The following ADAM19 variants were observed in gnomAD, a reference collection of about 807,000 sequenced individuals.
The protein encoded by ADAM19 is ADAM metallopeptidase domain 19.
Under a neutral mutation model 114.7 loss-of-function variants are expected in ADAM19, and 65 were observed. That is an observed-to-expected ratio of 0.57 (90% CI 0.46 to 0.70). The LOEUF is 0.70. Among genes scored for constraint, ADAM19 ranks in the 30% least tolerant of loss-of-function variants. ADAM19 has a pLI of 0.00. For synonymous variants in ADAM19, 466 were observed against 460.5 expected, an observed-to-expected ratio of 1.01 and a Z score of -0.15; for missense variants, 1,063 against 1,204.7, an observed-to-expected ratio of 0.88 and a Z score of 1.74.
intron 1 of ADAM19, among the ~76,000 whole-genome samples, chr5:157,574,681 C>G (rs1414003473): frequency 1.3e-5 from 2 of 152,192 alleles, no homozygotes; most frequent in Non-Finnish European, 2.9e-5. Flanking sequence ...AATGAGAGAA[C>G]CCGGGCACCG....
intron 1 of ADAM19, 75 bp from the exon 2 acceptor site, chr5:157,571,055 T>A (rs2113801779): frequency 1.7e-5 from 22 of 1,304,814 alleles, no homozygotes; most frequent in Non-Finnish European, 2.3e-5. Context: ...GCACTTTCTG[T>A]GAGCTGCCCC....
intron 18 of ADAM19, among the ~76,000 whole-genome samples, chr5:157,491,047 C>T (rs1268552601): frequency 1.3e-5 from 2 of 151,980 alleles, no homozygotes; most frequent in Non-Finnish European, 2.9e-5. Context: ...TTTGTACTAA[C>T]AAAACACTAC....
At chr5:157,564,689 G>A (rs1161709244) in intron 2 of ADAM19, among the ~76,000 whole-genome samples, 1 of 152,234 alleles carries the variant, frequency 6.6e-6, no homozygotes, top group Admixed American at 6.5e-5. Flanking sequence ...GTAAGTGTAT[G>A]TATGTGGTGC....
intron 4 of ADAM19, among the ~76,000 whole-genome samples, chr5:157,536,988 G>C (rs941083962): frequency 2.0e-5 from 3 of 152,194 alleles, no homozygotes; most frequent in Non-Finnish European, 4.4e-5. Context: ...TTTGAGAATG[G>C]TCATTCGAAT....
intron 2 of ADAM19, among the ~76,000 whole-genome samples, chr5:157,567,758 T>C (rs891908092): frequency 2.6e-5 from 4 of 151,108 alleles, no homozygotes; most frequent in African/African-American, 9.8e-5. Flanking sequence ...GATCACGCCA[T>C]TGCACTCCAG....
At position 157,570,939 on chromosome 5, in the gene ADAM19, T is replaced by A. The variant is rs1757802795; in HGVS notation, c.136A>T (p.Ile46Phe). Residue 46 changes from isoleucine to phenylalanine, a missense_variant, in exon 2 of 23, where the codon ATC becomes TTC. By Grantham distance (21) the Ile-to-Phe change is conservative. Transcript: ENST00000257527. ...EGSPKLQHEL[I>F]IPQWKTSESP... The stretch of plus-strand genomic sequence containing the variant: ...TCTGAAGTCTTCCACTGAGGTATGA[T>A]AAGTTCATGCTGCAGCTTGGGGCTG... 3.1e-6 allele frequency: 5 copies of A among 1,614,098 alleles called. No individual in the cohort carries two copies. In the Admixed American group the frequency reaches 8.3e-5, roughly 27 times the overall value.
intron 4 of ADAM19, 60 bp downstream of exon 4, chr5:157,537,853 C>T: frequency 6.7e-7 from 1 of 1,484,048 alleles, no homozygotes; most frequent in Non-Finnish European, 9.4e-7. Context: ...CTCCTGAGGT[C>T]CTAGGAGTAG....
chr5:157,507,936 T>C (rs1317599298), intron 9 of ADAM19, among the ~76,000 whole-genome samples: 1 of 152,256 alleles, frequency 6.6e-6, no homozygotes, highest in Non-Finnish European at 1.5e-5. Context: ...TCCACGTTTG[T>C]CTTCTCATCT....
chr5:157,526,624 ATT>A (rs34746765), intron 5 of ADAM19, among the ~76,000 whole-genome samples: 103 of 145,502 alleles, frequency 7.1e-4, no homozygotes, highest in African/African-American at 1.9e-3. Context: ...TATTGGTGTC[ATT>A]TTTTTTTTTT....
chr5:157,487,401 C>T (rs942186896), intron 21 of ADAM19, among the ~76,000 whole-genome samples: 28 of 152,220 alleles, frequency 1.8e-4, no homozygotes, highest in Non-Finnish European at 2.5e-4. Context: ...CTGCAGCCAA[C>T]CCCAGAGTCC....
intron 3 of ADAM19, among the ~76,000 whole-genome samples, chr5:157,562,421 T>G (rs1757532860): frequency 6.6e-6 from 1 of 152,184 alleles, no homozygotes; most frequent in African/African-American, 2.4e-5. Context: ...CTCTGGAGCC[T>G]CAGTGTGGGA....
At chr5:157,574,976 G>C (rs907677339) in intron 1 of ADAM19, among the ~76,000 whole-genome samples, 1 of 152,184 alleles carries the variant, frequency 6.6e-6, no homozygotes, top group Non-Finnish European at 1.5e-5. Context: ...TGTGGGCCTC[G>C]GTTTCCCCAT....
chr5:157,513,306 C>A, intron 8 of ADAM19, 128 bp downstream of exon 8: 1 of 837,334 alleles, frequency 1.2e-6, no homozygotes, highest in South Asian at 1.5e-5. Flanking sequence ...CCGCCCTGGG[C>A]CTCTATGGCA....
At chr5:157,494,354 T>A (rs1033772626) in intron 15 of ADAM19, among the ~76,000 whole-genome samples, 7 of 152,128 alleles carry the variant, frequency 4.6e-5, no homozygotes, top group African/African-American at 1.4e-4. Context: ...AATGAGTGAA[T>A]TAATGAATGA....
chr5:157,519,684 A>G (rs1192446911), intron 6 of ADAM19, among the ~76,000 whole-genome samples, 155 bp downstream of exon 6: 1 of 152,180 alleles, frequency 6.6e-6, no homozygotes, highest in Admixed American at 6.5e-5. Flanking sequence ...AGGGTATTTC[A>G]CACTCAACAA....
intron 18 of ADAM19, 55 bp from the exon 19 acceptor site, chr5:157,490,509 A>C: frequency 1.3e-6 from 2 of 1,586,972 alleles, no homozygotes; most frequent in Non-Finnish European, 1.7e-6. Flanking sequence ...GCTACAGCAG[A>C]TTTCAAAATA....
Position 157,575,720 on chromosome 5 carries a change from G to C in ADAM19, c.-24C>G, listed in dbSNP as rs1345907302. 2 of 1,307,020 alleles carry C rather than the reference G, an allele frequency of 1.5e-6. No homozygotes were observed. Among genetic ancestry groups the C allele is most frequent in the South Asian group, 2.1e-5 (1 of 47,896 alleles). The allele number at this position is 1,307,020 out of a possible 1,614,324, so 81.0% of individuals were successfully genotyped here. A position where few individuals can be genotyped will look rare whatever the true frequency, so the allele number is the denominator to read the frequency against. The stretch of plus-strand genomic sequence containing the variant: ...ATGGTGGCGGCGGCCCTTAGCGCTC[G>C]GCGCTCACACGCCCTCAGCCATACC... On this transcript the variant is annotated 5_prime_UTR_variant, in exon 1 of 23. Coordinates refer to ENST00000257527, the MANE Select transcript of ADAM19 (RefSeq NM_033274.5).
At chr5:157,481,623 C>A in intron 22 of ADAM19, 168 bp downstream of exon 22, 1 of 1,546,950 alleles carries the variant, frequency 6.5e-7, no homozygotes, top group Non-Finnish European at 8.7e-7. Context: ...CAAAACTCCA[C>A]AGTCAAGCGG....
Position 157,477,418 on chromosome 5 carries a change from G to C in ADAM19, c.*3531C>G. 9.8e-7 allele frequency: 1 copy of C among 1,020,118 alleles called. No individual in the cohort carries two copies. Among genetic ancestry groups the C allele is most frequent in the Non-Finnish European group, 1.2e-6 (1 of 848,650 alleles). 63.2% of individuals were successfully genotyped at this position (1,020,118 alleles called of 1,614,324 possible). ...GTACAAATATTGTAAACAATTAATA[G>C]GTGGACAAGAGAGAAGAAGATCTGT... On this transcript the variant is annotated 3_prime_UTR_variant, in exon 23 of 23. Transcript: ENST00000257527.
Sources: gnomAD v4.1 joint callset for allele counts (sites outside exome capture counted in the v4.1 genomes callset) on GRCh38, gnomAD v4.1.1 for gene constraint, MANE v1.5 for transcripts, NCBI Gene and HGNC (gene_info 2026-07-23, HGNC 2026-07-21) for gene names.